The following SCHIP1 variants were observed in gnomAD, a reference collection of about 807,000 sequenced individuals.
SCHIP1 encodes schwannomin-interacting protein 1.
SCHIP1 carries 8 observed loss-of-function variants against 29.7 expected under a neutral mutation model. The observed-to-expected ratio is 0.27, with a 90% CI of 0.16 to 0.49. SCHIP1 has a LOEUF of 0.49. Ranked by LOEUF, SCHIP1 falls within the 20% of genes least tolerant of loss-of-function variation. The probability of loss-of-function intolerance (pLI) is 0.99; values close to 1 mark genes in which losing one functional copy is unlikely to be tolerated. For synonymous variants in SCHIP1, 76 were observed against 94.9 expected (o/e 0.80, Z 1.16); for missense variants, 193 against 294.6 (o/e 0.66, Z 2.52).
At chr3:159,887,660 C>T in intron 3 of SCHIP1, 48 bp from the exon 5 acceptor site, 1 of 1,606,464 alleles carries the variant, frequency 6.2e-7, no homozygotes, top group Non-Finnish European at 8.5e-7. Context: ...TAAGTGGATG[C>T]TAGCTGGCAT....
the SCHIP1 span, chr3:159,401,244 T>C: frequency 1.1e-6 from 1 of 900,166 alleles, no homozygotes. Context: ...CTGAGTCCAG[T>C]AAATATCCAG....
At chr3:159,809,837 CA>C in the SCHIP1 span, among the ~76,000 whole-genome samples, 1 of 151,844 alleles carries the variant, frequency 6.6e-6, no homozygotes, top group Non-Finnish European at 1.5e-5. Flanking sequence ...CCTGTCTCTA[CA>C]AAAAATACAA....
chr3:159,866,062 C>T, intron 1 of SCHIP1, 101 bp from the exon 3 acceptor site: 1 of 974,642 alleles, frequency 1.0e-6, no homozygotes. Flanking sequence ...ATTTGTTTTT[C>T]ATCTAATGTT....
chr3:159,681,455 A>T, the SCHIP1 span, among the ~76,000 whole-genome samples: 1 of 152,212 alleles, frequency 6.6e-6, no homozygotes, highest in Non-Finnish European at 1.5e-5. Context: ...TCATTATTAC[A>T]TATTTCCCTC....
At chr3:159,296,494 C>T in the SCHIP1 span, among the ~76,000 whole-genome samples, 1 of 152,132 alleles carries the variant, frequency 6.6e-6, no homozygotes, top group Non-Finnish European at 1.5e-5. Context: ...CTCTCTCAGG[C>T]TGGGTGTGGT....
the SCHIP1 span, among the ~76,000 whole-genome samples, chr3:159,653,133 G>A: frequency 6.6e-6 from 1 of 152,224 alleles, no homozygotes; most frequent in Admixed American, 6.5e-5. Flanking sequence ...CTTTTACACT[G>A]TTGGTGGGAG....
At chr3:159,300,005 C>A in the SCHIP1 span, among the ~76,000 whole-genome samples, 1 of 151,486 alleles carries the variant, frequency 6.6e-6, no homozygotes, top group African/African-American at 2.4e-5. Context: ...GCAGGGGCCT[C>A]AGAAGGTGAC....
the SCHIP1 span, among the ~76,000 whole-genome samples, chr3:159,386,203 A>G: frequency 1.3e-5 from 2 of 152,304 alleles, no homozygotes; most frequent in East Asian, 1.9e-4. Context: ...TCCCTTGGGT[A>G]TATACCAAGT....
chr3:159,857,485 A>G (rs1015860996), intron 1 of SCHIP1, among the ~76,000 whole-genome samples: 10 of 152,146 alleles, frequency 6.6e-5, no homozygotes, highest in African/African-American at 2.4e-4. Context: ...TTTAAAGTGT[A>G]CACTTTGATG....
the SCHIP1 span, among the ~76,000 whole-genome samples, chr3:159,304,032 G>GCC: frequency 8.1e-6 from 1 of 122,872 alleles, no homozygotes; most frequent in South Asian, 2.7e-4. Flanking sequence ...CCCACAGCAG[G>GCC]CCCCAGAGTG....
the SCHIP1 span, among the ~76,000 whole-genome samples, chr3:159,554,744 T>C: frequency 6.6e-6 from 1 of 152,108 alleles, no homozygotes; most frequent in Non-Finnish European, 1.5e-5. Context: ...ATAGTGGCTC[T>C]GGCTTCCTGG....
At chr3:159,472,772 T>C in the SCHIP1 span, among the ~76,000 whole-genome samples, 3 of 152,166 alleles carry the variant, frequency 2.0e-5, no homozygotes. Flanking sequence ...GAGCCACCAG[T>C]ACCGACCTGA....
chr3:159,550,646 T>A, the SCHIP1 span, among the ~76,000 whole-genome samples: 9 of 152,152 alleles, frequency 5.9e-5, no homozygotes, highest in Non-Finnish European at 1.2e-4. Context: ...TATTTTTATA[T>A]TTTTATCCAA....
At chr3:159,499,491 A>G in the SCHIP1 span, among the ~76,000 whole-genome samples, 1 of 152,232 alleles carries the variant, frequency 6.6e-6, no homozygotes, top group East Asian at 1.9e-4. Context: ...AAAGTCAAAC[A>G]TATTTGGTAT....
chr3:159,820,810 G>A, the SCHIP1 span, among the ~76,000 whole-genome samples: 2 of 152,174 alleles, frequency 1.3e-5, no homozygotes, highest in African/African-American at 4.8e-5. Context: ...GAAAATGGAT[G>A]ACCTTACCCA....
intron 2 of SCHIP1, among the ~76,000 whole-genome samples, chr3:159,883,386 G>A (rs1716642752): frequency 6.6e-6 from 1 of 152,078 alleles, no homozygotes; most frequent in Non-Finnish European, 1.5e-5. Flanking sequence ...GGGGAACTGT[G>A]GTTTTCAGAT....
At chr3:159,404,093 T>G in the SCHIP1 span, among the ~76,000 whole-genome samples, 2 of 152,124 alleles carry the variant, frequency 1.3e-5, no homozygotes, top group South Asian at 2.1e-4. Context: ...ACCTACTGAC[T>G]AAAGAGCCCT....
the SCHIP1 span, among the ~76,000 whole-genome samples, chr3:159,482,082 A>G: frequency 6.6e-6 from 1 of 152,094 alleles, no homozygotes; most frequent in African/African-American, 2.4e-5. Flanking sequence ...TACTTAACTG[A>G]ATTTCTACTG....
At chr3:159,288,821 G>A in the SCHIP1 span, among the ~76,000 whole-genome samples, 5 of 152,208 alleles carry the variant, frequency 3.3e-5, no homozygotes, top group Admixed American at 6.5e-5. Flanking sequence ...CTGGCAAGGT[G>A]AATGGGAATG....
Sources: gnomAD v4.1 joint callset for allele counts (sites outside exome capture counted in the v4.1 genomes callset) on GRCh38, gnomAD v4.1.1 for gene constraint, MANE v1.5 for transcripts, NCBI Gene and HGNC (gene_info 2026-07-23, HGNC 2026-07-21) for gene names.